Variants in GOLGA1 observed in about 807,000 individuals in gnomAD.
The protein encoded by GOLGA1 is golgin A1, also known as golgin subfamily A member 1.
GOLGA1 carries 63 observed loss-of-function variants against 119.7 expected under a neutral mutation model. The ratio of observed to expected loss-of-function variants is 0.53; its 90% confidence interval spans 0.43 to 0.65. GOLGA1 has a LOEUF of 0.65. GOLGA1 is among the 30% of genes least tolerant of loss of function. GOLGA1 has a pLI of 0.00. For synonymous variants in GOLGA1, 318 were observed against 333.4 expected, an observed-to-expected ratio of 0.95 and a Z score of 0.50; for missense variants, 798 against 912.8, an observed-to-expected ratio of 0.87 and a Z score of 1.62.
intron 19 of GOLGA1, among the ~76,000 whole-genome samples, chr9:124,883,879 C>T (rs923337365): frequency 1.3e-5 from 2 of 152,224 alleles, no homozygotes; most frequent in African/African-American, 2.4e-5. Context: ...TGCGCCACCA[C>T]GCCTGGCTAA....
chr9:124,939,009 C>T (rs1386688747), intron 2 of GOLGA1, 143 bp from the exon 3 acceptor site: 1 of 250,270 alleles, frequency 4.0e-6, no homozygotes, highest in African/African-American at 2.2e-5. Context: ...ATTTAAAAAG[C>T]ACTCAGGTGC....
intron 10 of GOLGA1, among the ~76,000 whole-genome samples, chr9:124,919,864 A>C (rs933818725): frequency 4.0e-5 from 6 of 149,602 alleles, no homozygotes; most frequent in Non-Finnish European, 9.1e-5. Flanking sequence ...GGACAATCAT[A>C]CAATACGAGT....
In GOLGA1 at chr9:124,929,155, T is replaced by C. The variant is rs1012631371; in HGVS notation, c.301+61A>G. The C allele has an allele frequency of 1.3e-5, 12 of 949,518 alleles. No individual in the cohort carries two copies. In the African/African-American group the frequency reaches 1.6e-4, roughly 13 times the overall value. 58.8% of individuals were successfully genotyped at this position (949,518 alleles called of 1,614,324 possible). ...GAAGGACAAACTTAACCATACACTA[T>C]TGTTTCATTTCAAAAACTAAACCTT... On this transcript the variant is annotated intron_variant, in intron 5 of 22. Coordinates refer to ENST00000373555, the MANE Select transcript of GOLGA1 (RefSeq NM_002077.4).
intron 10 of GOLGA1, among the ~76,000 whole-genome samples, chr9:124,914,700 A>G (rs143079409): frequency 7.5e-4 from 114 of 152,366 alleles, no homozygotes; most frequent in African/African-American, 2.5e-3. Flanking sequence ...TCCATTTACA[A>G]GGAAACTGAA....
intron 14 of GOLGA1, 147 bp downstream of exon 14, chr9:124,899,178 AGAGT>A: frequency 3.1e-6 from 2 of 640,348 alleles, no homozygotes; most frequent in Admixed American, 3.0e-5. Flanking sequence ...CCTGGGTGAC[AGAGT>A]GAGACCCTGT....
At chr9:124,926,004 G>A (rs1830664846) in intron 7 of GOLGA1, among the ~76,000 whole-genome samples, 2 of 152,090 alleles carry the variant, frequency 1.3e-5, no homozygotes, top group Admixed American at 1.3e-4. Context: ...GCTGAGCCTT[G>A]AGAAATGCCT....
At position 124,898,638 on chromosome 9, in the gene GOLGA1, G is replaced by T; in HGVS notation, c.1318C>A (p.Leu440Met). 1 of 1,599,734 alleles carries T rather than the reference G, an allele frequency of 6.3e-7. No individual in the cohort carries two copies. Among genetic ancestry groups the T allele is most frequent in the Non-Finnish European group, 8.6e-7 (1 of 1,167,378 alleles). Reference protein sequence around the residue: ...QTTAEQGMRQLEQENAALKEC... With the variant: ...QTTAEQGMRQMEQENAALKEC... ...TTAAGGGCTGCATTTTCTTGCTCCA[G>T]TTGTCTCTGCCAATTCAGAAGAACA... Residue 440 changes from leucine to methionine, a missense_variant, in exon 15 of 23, where the codon CTG becomes ATG. By Grantham distance (15) the Leu-to-Met change is conservative. Coordinates refer to ENST00000373555, the MANE Select transcript of GOLGA1 (RefSeq NM_002077.4).
chr9:124,911,750 G>A (rs1830345189), intron 11 of GOLGA1, 151 bp downstream of exon 11: 2 of 638,662 alleles, frequency 3.1e-6, no homozygotes, highest in Admixed American at 2.6e-5. Flanking sequence ...GGCTCTTTCT[G>A]ATGTAAGCAG....
chr9:124,910,802 G>C (rs1476476514), intron 11 of GOLGA1, among the ~76,000 whole-genome samples: 1 of 152,060 alleles, frequency 6.6e-6, no homozygotes, highest in East Asian at 1.9e-4. Context: ...TGCAAGTGAG[G>C]GATCCAGGTT....
intron 5 of GOLGA1, 58 bp downstream of exon 5, chr9:124,929,158 T>C (rs904197676): frequency 9.0e-5 from 90 of 1,003,346 alleles, no homozygotes; most frequent in Non-Finnish European, 1.3e-4. Flanking sequence ...TACACTATTG[T>C]TTCATTTCAA....
At chr9:124,883,515 T>G (rs943159116) in intron 19 of GOLGA1, among the ~76,000 whole-genome samples, 3 of 152,176 alleles carry the variant, frequency 2.0e-5, no homozygotes, top group Non-Finnish European at 4.4e-5. Context: ...TGACATAATC[T>G]CAGCTCACTG....
chr9:124,907,693 A>G (rs545050769), intron 12 of GOLGA1, among the ~76,000 whole-genome samples: 6 of 152,370 alleles, frequency 3.9e-5, no homozygotes, highest in African/African-American at 1.4e-4. Context: ...TAACAGGCAC[A>G]TGAAGACAAG....
At chr9:124,924,636 C>A (rs376286026) in intron 7 of GOLGA1, among the ~76,000 whole-genome samples, 1,199 of 108,078 alleles carry the variant, frequency 0.011, no homozygotes, top group East Asian at 0.015. Flanking sequence ...GACCCTGTCT[C>A]AAAAAAAAAA....
chr9:124,909,608 CA>C (rs58372596), intron 11 of GOLGA1, among the ~76,000 whole-genome samples: 33,690 of 87,508 alleles, frequency 0.38, 2,836 homozygotes, highest in East Asian at 0.52. Flanking sequence ...GACTCCGTCT[CA>C]AAAAAAAAAA....
intron 9 of GOLGA1, 111 bp downstream of exon 9, chr9:124,921,612 C>A: frequency 2.3e-6 from 2 of 871,470 alleles, no homozygotes; most frequent in South Asian, 1.6e-5. Context: ...GAAGCCTTTG[C>A]CAGCACCGGA....
chr9:124,947,645 C>T (rs1325104269), intron 1 of GOLGA1: 1 of 152,068 alleles, frequency 6.6e-6, no homozygotes, highest in East Asian at 1.9e-4. Flanking sequence ...AATATGTATA[C>T]ATATATACAA....
intron 2 of GOLGA1, 24 bp from the exon 3 acceptor site, chr9:124,938,890 G>C (rs1830937090): frequency 4.1e-6 from 2 of 493,400 alleles, no homozygotes; most frequent in Non-Finnish European, 3.5e-6. Context: ...GAAAGAGACA[G>C]TTCAAAAGTT....
rs537374066 is a variant in GOLGA1 at position 124,908,787 on chromosome 9, C to A, written c.970-315G>T. 5.3e-4 allele frequency among the ~76,000 whole-genome samples: 81 copies of A among 152,344 alleles called. 2 individuals are homozygous for A. In the South Asian group the frequency reaches 0.016, roughly 30 times the overall value. On this transcript the variant is annotated intron_variant, in intron 11 of 22. Coordinates refer to ENST00000373555, the MANE Select transcript of GOLGA1 (RefSeq NM_002077.4). ...ACAGGGCAGGTAGGCAGCTTTAGAACTCACAAAGTCGTTAGGGTTCAGGGA... is the reference window on the plus strand; with the variant it reads ...ACAGGGCAGGTAGGCAGCTTTAGAAATCACAAAGTCGTTAGGGTTCAGGGA...
Position 124,905,450 on chromosome 9 carries a change from ACT to A in GOLGA1, c.1065+2925_1065+2926del, listed in dbSNP as rs1422353822. Among the ~76,000 whole-genome samples the A allele has an allele frequency of 3.3e-5, 5 of 152,150 alleles. No homozygotes were observed. In the South Asian group the frequency reaches 8.3e-4, roughly 25 times the overall value. On this transcript the variant is annotated intron_variant, in intron 12 of 22. Coordinates refer to ENST00000373555, the MANE Select transcript of GOLGA1 (RefSeq NM_002077.4). ...GCACTCCAGCCTGGATGAGAGTGAG[ACT>A]CTGCCTCAAATAAATAAATAAATAA... is the stretch of plus-strand genomic sequence containing the variant.
Sources: gnomAD v4.1 joint callset for allele counts (sites outside exome capture counted in the v4.1 genomes callset) on GRCh38, gnomAD v4.1.1 for gene constraint, MANE v1.5 for transcripts, NCBI Gene and HGNC (gene_info 2026-07-23, HGNC 2026-07-21) for gene names.